TBCK: variants seen among roughly 807,000 people sequenced by gnomAD.
TBCK encodes TBC1 domain containing kinase, also known as TBC domain-containing protein kinase-like protein.
Under a neutral mutation model 113.4 loss-of-function variants are expected in TBCK, and 99 were observed. That is an observed-to-expected ratio of 0.87 (90% CI 0.74 to 1.03). The LOEUF (loss-of-function observed/expected upper bound fraction) is 1.03, where lower values mean the gene tolerates loss of function less well. TBCK is among the 50% of genes least tolerant of loss of function. The pLI is 0.00. For synonymous variants in TBCK, 369 were observed against 370.8 expected, an observed-to-expected ratio of 1.00 and a Z score of 0.05; for missense variants, 1,045 against 1,061.3, an observed-to-expected ratio of 0.98 and a Z score of 0.21.
chr4:106,181,848 T>G (rs1752431068), intron 22 of TBCK, among the ~76,000 whole-genome samples: 1 of 152,126 alleles, frequency 6.6e-6, no homozygotes, highest in Non-Finnish European at 1.5e-5. Flanking sequence ...GTTGGCTATG[T>G]GGGCTCTTTT....
At chr4:106,070,218 C>T (rs1376615018) in intron 25 of TBCK, among the ~76,000 whole-genome samples, 2 of 152,106 alleles carry the variant, frequency 1.3e-5, no homozygotes, top group Non-Finnish European at 2.9e-5. Context: ...TGTCTTGTGC[C>T]AGTTTTCAAA....
chr4:106,307,037 C>T (rs1317759907), intron 2 of TBCK, among the ~76,000 whole-genome samples: 1 of 152,126 alleles, frequency 6.6e-6, no homozygotes, highest in Non-Finnish European at 1.5e-5. Context: ...CTCACGAAGC[C>T]TCCTGACAAC....
rs780853410 is a variant in TBCK at position 106,236,402 on chromosome 4, G to A, written c.1338C>T (p.Asp446=). 1 of 1,517,362 alleles carries A rather than the reference G, an allele frequency of 6.6e-7. No individual in the cohort carries two copies. Among genetic ancestry groups the A allele is most frequent in the South Asian group, 1.4e-5 (1 of 70,098 alleles). The allele number at this position is 1,517,362 out of a possible 1,614,324, so 94.0% of individuals were successfully genotyped here. ...TTAGAATCCATACCTTTAGCAGCCTGTCGAAGAGAATAATTCTATTTAGTT... is the reference window on the plus strand; with the variant it reads ...TTAGAATCCATACCTTTAGCAGCCTATCGAAGAGAATAATTCTATTTAGTT... The part of the protein sequence containing the change: ...EYQLNRIILF[D]RLLKAYPYKK... Residue 446 remains aspartate, a synonymous_variant, in exon 14 of 26, where the codon GAC becomes GAT. Coordinates refer to ENST00000394708, the MANE Select transcript of TBCK (RefSeq NM_001163435.3).
At chr4:106,213,928 C>T (rs1204456051) in intron 19 of TBCK, among the ~76,000 whole-genome samples, 2 of 152,168 alleles carry the variant, frequency 1.3e-5, no homozygotes, top group Non-Finnish European at 2.9e-5. Flanking sequence ...CACAGACAAA[C>T]AAAAAGACAG....
chr4:106,251,067 A>G, intron 6 of TBCK: 1 of 266,258 alleles, frequency 3.8e-6, no homozygotes, highest in Admixed American at 4.2e-5. Flanking sequence ...GTCTGGAGTC[A>G]AACACTTATA....
At chr4:106,272,326 T>TA (rs777482798) in intron 3 of TBCK, among the ~76,000 whole-genome samples, 10 of 152,108 alleles carry the variant, frequency 6.6e-5, no homozygotes, top group Non-Finnish European at 1.5e-4. Flanking sequence ...CCGTGCTACA[T>TA]ACGTTTCTTA....
At chr4:106,173,067 T>G (rs1751223294) in intron 22 of TBCK, among the ~76,000 whole-genome samples, 1 of 152,152 alleles carries the variant, frequency 6.6e-6, no homozygotes, top group Non-Finnish European at 1.5e-5. Context: ...TTTACCAACT[T>G]CACAGCTCAT....
intron 19 of TBCK, among the ~76,000 whole-genome samples, chr4:106,215,429 TAA>T (rs1365069813): frequency 2.0e-5 from 3 of 152,146 alleles, no homozygotes; most frequent in Admixed American, 6.5e-5. Flanking sequence ...GCAAATTGGA[TAA>T]AGAGTCAAGA....
chr4:106,262,626 T>C (rs1762614361), intron 3 of TBCK, among the ~76,000 whole-genome samples: 1 of 152,052 alleles, frequency 6.6e-6, no homozygotes. Context: ...AAAAAAGTAG[T>C]AACAATATAT....
At chr4:106,231,089 T>A (rs1758806941) in intron 18 of TBCK, among the ~76,000 whole-genome samples, 1 of 151,706 alleles carries the variant, frequency 6.6e-6, no homozygotes, top group African/African-American at 2.4e-5. Context: ...AATAGGGAGA[T>A]CTTCAGATAA....
At chr4:106,301,272 T>G (rs1444884074) in intron 2 of TBCK, among the ~76,000 whole-genome samples, 1 of 149,242 alleles carries the variant, frequency 6.7e-6, no homozygotes, top group Non-Finnish European at 1.5e-5. Flanking sequence ...TTCCATATAA[T>G]TCTATTATTC....
intron 25 of TBCK, among the ~76,000 whole-genome samples, chr4:106,053,069 C>T (rs981889778): frequency 2.0e-5 from 3 of 151,634 alleles, no homozygotes; most frequent in Non-Finnish European, 3.0e-5. Flanking sequence ...TGAATTAGCT[C>T]ATAACTCATA....
At chr4:106,191,393 C>T (rs1361633542) in intron 22 of TBCK, among the ~76,000 whole-genome samples, 1 of 152,076 alleles carries the variant, frequency 6.6e-6, no homozygotes, top group African/African-American at 2.4e-5. Context: ...ATAGAATGCT[C>T]ATCAGTTAAA....
rs529297462 is a variant in TBCK at position 106,214,359 on chromosome 4, C to A, written c.1775-1524G>T. On this transcript the variant is annotated intron_variant, in intron 19 of 25. Coordinates refer to ENST00000394708, the MANE Select transcript of TBCK (RefSeq NM_001163435.3). ...GCTCCTCACCAGCAACGGAACACAG[C>A]TGGACGGAGAATGACTTTGACGAGC... Among the ~76,000 whole-genome samples the A allele has an allele frequency of 3.3e-5, 5 of 152,346 alleles. No individual in the cohort carries two copies. The East Asian group carries it at 9.6e-4, about 29-fold the overall frequency.
intron 22 of TBCK, among the ~76,000 whole-genome samples, chr4:106,177,895 T>A (rs1156934717): frequency 6.6e-6 from 1 of 152,002 alleles, no homozygotes; most frequent in African/African-American, 2.4e-5. Context: ...GAAATTACAT[T>A]GAACCTGTAG....
rs772128591 is a variant in TBCK at position 106,249,013 on chromosome 4, G to C, written c.659-31C>G. The C allele has an allele frequency of 9.3e-6, 14 of 1,497,952 alleles. No homozygotes were observed. The East Asian group carries it at 3.0e-4, about 32-fold the overall frequency. 92.8% of individuals were successfully genotyped at this position (1,497,952 alleles called of 1,614,324 possible). On this transcript the variant is annotated intron_variant, in intron 7 of 25. Coordinates refer to ENST00000394708, the MANE Select transcript of TBCK (RefSeq NM_001163435.3). The stretch of plus-strand genomic sequence containing the variant: ...AAACAGAAAAACTATATGAATAAAT[G>C]CTATTTTTCTAATCTGTCCAACAAA...
Position 106,224,871 on chromosome 4 carries a change from T to C in TBCK, c.1774+5492A>G, listed in dbSNP as rs182899151. On this transcript the variant is annotated intron_variant, in intron 19 of 25. Coordinates refer to ENST00000394708, the MANE Select transcript of TBCK (RefSeq NM_001163435.3). The stretch of plus-strand genomic sequence containing the variant: ...CAAACTTCAAATTCATCAAGTATCT[T>C]CCTTTTATGAAACCTTTCCAGAATG... Among the ~76,000 whole-genome samples the C allele has an allele frequency of 8.0e-4, 122 of 152,316 alleles. 1 individual carries two copies. In the East Asian group the frequency reaches 0.02, roughly 25 times the overall value.
At chr4:106,293,538 C>T (rs193276460) in intron 3 of TBCK, among the ~76,000 whole-genome samples, 296 of 152,282 alleles carry the variant, frequency 1.9e-3, no homozygotes, top group Admixed American at 4.6e-3. Context: ...TCCCTCCACC[C>T]TCCATCCATG....
intron 23 of TBCK, among the ~76,000 whole-genome samples, chr4:106,131,165 C>T (rs1745871561): frequency 6.6e-6 from 1 of 152,206 alleles, no homozygotes; most frequent in South Asian, 2.1e-4. Context: ...TGCACAAGCT[C>T]TTGCCTGCCG....
Sources: allele counts gnomAD v4.1 joint callset (sites outside exome capture counted in the v4.1 genomes callset), GRCh38; gene constraint gnomAD v4.1.1; transcripts MANE v1.5; gene names NCBI Gene and HGNC (gene_info 2026-07-23, HGNC 2026-07-21).